The following PMS2 variants were observed in gnomAD, a reference collection of about 807,000 sequenced individuals.
PMS2 encodes PMS1 homolog 2, mismatch repair system component.
In PMS2, 69 loss-of-function variants were observed where a neutral mutation model predicts 90.0. The observed-to-expected ratio is 0.77, with a 90% CI of 0.63 to 0.94. The LOEUF is 0.94. Among genes scored for constraint, PMS2 ranks in the 40% least tolerant of loss-of-function variants. The probability of loss-of-function intolerance (pLI) is 0.00; values close to 1 mark genes in which losing one functional copy is unlikely to be tolerated. For synonymous variants in PMS2, 332 were observed against 375.1 expected (o/e 0.89, Z 1.33); for missense variants, 966 against 1,040.2 (o/e 0.93, Z 0.98).
intron 9 of PMS2, among the ~76,000 whole-genome samples, chr7:5,991,420 T>C (rs1200588816): frequency 6.6e-6 from 1 of 151,966 alleles, no homozygotes; most frequent in Non-Finnish European, 1.5e-5. Flanking sequence ...AAATGAATTA[T>C]TTATGAAATT....
intron 8 of PMS2, among the ~76,000 whole-genome samples, chr7:5,994,548 C>T (rs561528949): frequency 9.7e-4 from 148 of 151,934 alleles, no homozygotes; most frequent in African/African-American, 3.4e-3. Context: ...CCGAGGTGGG[C>T]GGATCACGAG....
In PMS2 at chr7:5,986,725, TA is replaced by T. The variant is rs769872446; in HGVS notation, c.2006+33del. ...AAAAAATAAAAATAAAAATTTTAGA[TA>T]AAAAGAGAAAAAGTAAAAAATTAAA... is the stretch of plus-strand genomic sequence containing the variant. On this transcript the variant is annotated intron_variant, in intron 11 of 14. Transcript: ENST00000265849. 4 of 1,474,404 alleles carry T rather than the reference TA, an allele frequency of 2.7e-6. No homozygotes were observed. The South Asian group carries it at 5.3e-5, about 19-fold the overall frequency. The allele number at this position is 1,474,404 out of a possible 1,614,324, so 91.3% of individuals were successfully genotyped here.
chr7:6,000,187 C>A (rs1346714884), intron 5 of PMS2, among the ~76,000 whole-genome samples: 2 of 151,770 alleles, frequency 1.3e-5, no homozygotes, highest in East Asian at 3.9e-4. Context: ...CCTGCCTGGG[C>A]AACACAGAAG....
chr7:5,995,825 T>C (rs1008150087), intron 7 of PMS2, among the ~76,000 whole-genome samples, 192 bp from the exon 8 acceptor site: 1 of 152,290 alleles, frequency 6.6e-6, no homozygotes, highest in South Asian at 2.1e-4. Context: ...CCTTCTGGAA[T>C]ATTCTAAAGC....
At position 5,999,129 on chromosome 7, in the gene PMS2, G is replaced by T. The variant is rs371876208; in HGVS notation, c.684C>A (p.Gly228=). The T allele has an allele frequency of 6.2e-7, 1 of 1,613,970 alleles. No homozygotes were observed. The highest frequency in any genetic ancestry group is 1.3e-5 in the African/African-American group (1 of 74,890). ...CTACCTGCTTCTGCCCAAACACAGA[G>T]CCGATATTTTCCTTTATGCTGGGGC... The part of the protein sequence containing the change: ...GGSPSIKENI[G]SVFGQKQLQS... Residue 228 remains glycine, a synonymous_variant, in exon 6 of 15, where the codon GGC becomes GGA. Coordinates refer to ENST00000265849, the MANE Select transcript of PMS2 (RefSeq NM_000535.7).
chr7:5,985,264 ATTT>A (rs142453627), intron 11 of PMS2, among the ~76,000 whole-genome samples: 6 of 116,786 alleles, frequency 5.1e-5, no homozygotes, highest in Admixed American at 9.0e-5. Context: ...TACTTAGCTA[ATTT>A]TTTTTTTTTT....
rs1172432959 is a variant in PMS2 at position 6,007,106 on chromosome 7, ATTATTATTG to A, written c.24-1084_24-1076del. 2.7e-5 allele frequency among the ~76,000 whole-genome samples: 4 copies of A among 148,054 alleles called. No homozygotes were observed. The South Asian group carries it at 8.4e-4, about 31-fold the overall frequency. On this transcript the variant is annotated intron_variant, in intron 1 of 14. Coordinates refer to ENST00000265849, the MANE Select transcript of PMS2 (RefSeq NM_000535.7). The stretch of plus-strand genomic sequence containing the variant: ...CCCCTACATTATTATTATTATTATT[ATTATTATTG>A]TTATTATTGTTATTATTTGAGACAG...
intron 1 of PMS2, among the ~76,000 whole-genome samples, chr7:6,008,288 G>A (rs1786098422): frequency 6.6e-6 from 1 of 152,108 alleles, no homozygotes; most frequent in South Asian, 2.1e-4. Flanking sequence ...GCAAATTTGC[G>A]TTTACAAATC....
intron 7 of PMS2, 36 bp downstream of exon 7, chr7:5,997,290 G>T: frequency 3.0e-6 from 3 of 983,906 alleles, no homozygotes; most frequent in Non-Finnish European, 4.9e-6. Flanking sequence ...AGGATAAAAT[G>T]TTCAATTGTA....
In PMS2 at chr7:5,983,347, G is replaced by C. The variant is rs375608042; in HGVS notation, c.2007-356C>G. Among the ~76,000 whole-genome samples, 51 of 151,612 alleles carry C rather than the reference G, an allele frequency of 3.4e-4. No homozygotes were observed. In the East Asian group the frequency reaches 9.3e-3, roughly 28 times the overall value. ...GCTGGTCTCGAACTCCTGACCTCAT[G>C]ATCTGCCCGCCTTGGCCTCCCAAAG... On this transcript the variant is annotated intron_variant, in intron 11 of 14. Coordinates refer to ENST00000265849, the MANE Select transcript of PMS2 (RefSeq NM_000535.7).
In PMS2 at chr7:6,009,037, C is replaced by T. The variant is rs200624125; in HGVS notation, c.-18G>A. 11 of 1,612,422 alleles carry T rather than the reference C, an allele frequency of 6.8e-6. No individual in the cohort carries two copies. Among genetic ancestry groups the T allele is most frequent in the Non-Finnish European group, 8.5e-6 (10 of 1,179,788 alleles). The stretch of plus-strand genomic sequence containing the variant: ...CGCTCCATGGATGCAACACCCGATC[C>T]GCCTCGGGGACTGGGAAAGTTCCCT... On this transcript the variant is annotated 5_prime_UTR_variant, in exon 1 of 15. Transcript: ENST00000265849.
chr7:5,993,354 G>C (rs923707541), intron 8 of PMS2, among the ~76,000 whole-genome samples: 2 of 115,674 alleles, frequency 1.7e-5, no homozygotes, highest in Non-Finnish European at 3.3e-5. Flanking sequence ...CTGGGCGACA[G>C]AGCTAGACTC....
At position 6,009,045 on chromosome 7, in the gene PMS2, G is replaced by C; in HGVS notation, c.-26C>G. On this transcript the variant is annotated 5_prime_UTR_variant, in exon 1 of 15. Coordinates refer to ENST00000265849, the MANE Select transcript of PMS2 (RefSeq NM_000535.7). ...GGATGCAACACCCGATCCGCCTCGG[G>C]GACTGGGAAAGTTCCCTCCAGGGCT... is the stretch of plus-strand genomic sequence containing the variant. 3.1e-6 allele frequency: 5 copies of C among 1,612,336 alleles called. No individual in the cohort carries two copies. The highest frequency in any genetic ancestry group is 2.7e-5 in the African/African-American group (2 of 75,018).
intron 1 of PMS2, among the ~76,000 whole-genome samples, chr7:6,008,558 T>G (rs1786150949): frequency 6.6e-6 from 1 of 151,880 alleles, no homozygotes; most frequent in Non-Finnish European, 1.5e-5. Context: ...GAGACCAGCC[T>G]GGGCAACGCA....
Position 5,984,999 on chromosome 7 carries a change from G to A in PMS2, c.2006+1760C>T, listed in dbSNP as rs138872367. ...TCAAATCCAAGTCATAACCAAACCA[G>A]TCCCCAAATCCTATCTTTGAGGGTC... On this transcript the variant is annotated intron_variant, in intron 11 of 14. Coordinates refer to ENST00000265849, the MANE Select transcript of PMS2 (RefSeq NM_000535.7). Among the ~76,000 whole-genome samples the A allele has an allele frequency of 6.8e-4, 102 of 150,506 alleles. 2 individuals carry two copies. The highest frequency in any genetic ancestry group is 2.4e-3 in the African/African-American group (96 of 40,010).
rs1554293887 is a variant in PMS2 at position 5,977,654 on chromosome 7, G to T, written c.2379C>A (p.Ser793Arg). The change falls in exon 14 of 15, where the codon AGC becomes AGA. Residue 793 changes from serine (S) to arginine (R), a missense_variant. By Grantham distance (110) the Ser-to-Arg change is moderately radical. Around this residue, in one of 2 missense-constraint regions of PMS2, gnomAD observed 95 missense variants for 237.8 expected, o/e 0.40. Transcript: ENST00000265849. ...GGGAAGGCCGGCACATGACCCCAGG[G>T]CTGTCGCTCAGCATGAAGATCAGTT... is the stretch of plus-strand genomic sequence containing the variant. Reference protein sequence around the residue: ...VDELIFMLSDSPGVMCRPSRV... With the variant: ...VDELIFMLSDRPGVMCRPSRV... 1 of 1,604,650 alleles carries T rather than the reference G, an allele frequency of 6.2e-7. No individual in the cohort carries two copies. The highest frequency in any genetic ancestry group is 8.5e-7 in the Non-Finnish European group (1 of 1,173,796).
In PMS2 at chr7:6,005,967, G is replaced by T. The variant is rs141577476; in HGVS notation, c.88C>A (p.Gln30Lys). 3.7e-6 allele frequency: 6 copies of T among 1,610,654 alleles called. No individual in the cohort carries two copies. The African/African-American group carries it at 4.0e-5, about 11-fold the overall frequency. The change falls in exon 2 of 15, where the codon CAG (glutamine) becomes AAG (lysine). Residue 30 changes from glutamine to lysine, a missense_variant. Coordinates refer to ENST00000265849, the MANE Select transcript of PMS2 (RefSeq NM_000535.7). ...GCAGTGCTTAGACTCAGTACCACCTGCCCAGAGCAAATCTGATGGACTGAC... is the reference window on the plus strand; with the variant it reads ...GCAGTGCTTAGACTCAGTACCACCTTCCCAGAGCAAATCTGATGGACTGAC... Reference protein sequence around the residue: ...RKSVHQICSGQVVLSLSTAVK... With the variant: ...RKSVHQICSGKVVLSLSTAVK...
chr7:5,985,219 C>T lies in PMS2; in HGVS notation c.2006+1540G>A, dbSNP rs1782722364. On this transcript the variant is annotated intron_variant, in intron 11 of 14. Transcript: ENST00000265849. ...CTCAAGTGAGCCTCCTGCCTCAGCCCCCTGAGTACCTGGGACTACAGGCGT... is the reference window on the plus strand; with the variant it reads ...CTCAAGTGAGCCTCCTGCCTCAGCCTCCTGAGTACCTGGGACTACAGGCGT... Among the ~76,000 whole-genome samples, 2 of 151,786 alleles carry T rather than the reference C, an allele frequency of 1.3e-5. 1 individual carries two copies. Among genetic ancestry groups the T allele is most frequent in the African/African-American group, 4.8e-5 (2 of 41,366 alleles).
intron 7 of PMS2, among the ~76,000 whole-genome samples, chr7:5,996,236 C>T (rs1457319330): frequency 6.6e-6 from 1 of 151,972 alleles, no homozygotes; most frequent in African/African-American, 2.4e-5. Context: ...GATCTCAAGG[C>T]AACAAACAAA....
Sources: gnomAD v4.1 joint callset for allele counts (sites outside exome capture counted in the v4.1 genomes callset) on GRCh38, gnomAD v4.1.1 for gene constraint, gnomAD v4.1.1 regional missense constraint, MANE v1.5 for transcripts, NCBI Gene and HGNC (gene_info 2026-07-23, HGNC 2026-07-21) for gene names.